DNM3: variants seen among roughly 807,000 people sequenced by gnomAD.
The protein encoded by DNM3 is dynamin-3.
A neutral mutation model predicts 101.6 loss-of-function variants in DNM3; 47 were observed. That is an observed-to-expected ratio of 0.46 (90% CI 0.37 to 0.59). DNM3 has a LOEUF of 0.59. Among genes scored for constraint, DNM3 ranks in the 20% least tolerant of loss-of-function variants. DNM3 has a pLI of 0.00. For synonymous variants in DNM3, 385 were observed against 387.9 expected, an observed-to-expected ratio of 0.99 and a Z score of 0.09; for missense variants, 849 against 1,085.7, an observed-to-expected ratio of 0.78 and a Z score of 3.06.
intron 15 of DNM3, among the ~76,000 whole-genome samples, chr1:172,280,350 T>C (rs781712351): frequency 6.6e-6 from 1 of 152,202 alleles, no homozygotes; most frequent in Non-Finnish European, 1.5e-5. Context: ...TCCATTTTAG[T>C]ATAAGTTCAG....
chr1:171,945,501 C>G (rs1267002026), intron 2 of DNM3, among the ~76,000 whole-genome samples: 2 of 152,052 alleles, frequency 1.3e-5, no homozygotes, highest in Non-Finnish European at 2.9e-5. Context: ...TCTTGTTTAG[C>G]AAGTAATTAT....
In DNM3 at chr1:172,311,553, C is replaced by T. The variant is rs191327342; in HGVS notation, c.1881+2714C>T. 3.0e-4 allele frequency among the ~76,000 whole-genome samples: 46 copies of T among 152,182 alleles called. 2 individuals are homozygous for T. In the East Asian group the frequency reaches 7.5e-3, roughly 25 times the overall value. ...GGGAGGCCCAGGCTACAGTGTTCGT[C>T]CCACCGCACTCCAGCCTGTGTGAAA... On this transcript the variant is annotated intron_variant, in intron 16 of 20. Coordinates refer to ENST00000627582, the MANE Select transcript of DNM3 (RefSeq NM_015569.5).
chr1:172,368,892 T>C (rs901841528), intron 17 of DNM3, among the ~76,000 whole-genome samples: 49 of 151,858 alleles, frequency 3.2e-4, no homozygotes, highest in African/African-American at 1.2e-3. Context: ...AAGAAATGGA[T>C]ACATTCCTGG....
chr1:172,340,894 G>A (rs142291301), intron 17 of DNM3, among the ~76,000 whole-genome samples: 1 of 152,190 alleles, frequency 6.6e-6, no homozygotes, highest in South Asian at 2.1e-4. Flanking sequence ...TTTCAGGGAA[G>A]TGCTTCCAGC....
At chr1:171,884,101 C>T (rs1321428538) in intron 1 of DNM3, among the ~76,000 whole-genome samples, 1 of 152,072 alleles carries the variant, frequency 6.6e-6, no homozygotes, top group Non-Finnish European at 1.5e-5. Flanking sequence ...TGGTTCCAGC[C>T]CTGACGAAAC....
At chr1:172,176,539 C>G (rs1032819638) in intron 14 of DNM3, among the ~76,000 whole-genome samples, 9 of 151,780 alleles carry the variant, frequency 5.9e-5, no homozygotes, top group Admixed American at 5.3e-4. Flanking sequence ...TGGATGTTTC[C>G]CTGGTCAGAT....
intron 14 of DNM3, among the ~76,000 whole-genome samples, chr1:172,141,353 CCTT>C (rs1211709799): frequency 6.6e-6 from 1 of 151,976 alleles, no homozygotes; most frequent in Non-Finnish European, 1.5e-5. Context: ...TAAAGCCTGA[CCTT>C]CTAGTTATTT....
intron 1 of DNM3, among the ~76,000 whole-genome samples, chr1:171,863,765 C>T (rs1421531019): frequency 3.3e-5 from 5 of 152,184 alleles, no homozygotes; most frequent in African/African-American, 1.2e-4. Flanking sequence ...TTCCCCTCTA[C>T]CTGGAAGGCT....
At chr1:172,225,600 C>CT (rs2061087028) in intron 14 of DNM3, among the ~76,000 whole-genome samples, 1 of 151,620 alleles carries the variant, frequency 6.6e-6, no homozygotes, top group African/African-American at 2.4e-5. Flanking sequence ...AACTCTATCT[C>CT]TTAAGATACT....
chr1:172,275,251 T>G (rs2063237058), intron 15 of DNM3, among the ~76,000 whole-genome samples: 1 of 152,006 alleles, frequency 6.6e-6, no homozygotes, highest in East Asian at 1.9e-4. Context: ...AAATTTCCAT[T>G]AACTATACCT....
intron 13 of DNM3, among the ~76,000 whole-genome samples, chr1:172,102,567 GA>G (rs2054725621): frequency 6.6e-6 from 1 of 152,112 alleles, no homozygotes; most frequent in Non-Finnish European, 1.5e-5. Flanking sequence ...AACCAGTGAA[GA>G]GATTATCTTA....
At chr1:172,403,021 G>A (rs764831482) in intron 20 of DNM3, among the ~76,000 whole-genome samples, 1 of 152,118 alleles carries the variant, frequency 6.6e-6, no homozygotes, top group Non-Finnish European at 1.5e-5. Context: ...ATGTTGGGTG[G>A]CACCCAGCAA....
rs1194054616 is a variant in DNM3, at chr1:172,410,268, T to A, written c.*2427T>A. On this transcript the variant is annotated 3_prime_UTR_variant, in exon 21 of 21. Coordinates refer to ENST00000627582, the MANE Select transcript of DNM3 (RefSeq NM_015569.5). ...TTGAATGAAGTCTGAAACTCTAGTA[T>A]GTGCATAGTTTGACGTGCAGCATGC... is the stretch of plus-strand genomic sequence containing the variant. 1 of 985,296 alleles carries A rather than the reference T, an allele frequency of 1.0e-6. No individual in the cohort carries two copies. Among genetic ancestry groups the A allele is most frequent in the Non-Finnish European group, 1.2e-6 (1 of 829,898 alleles). 61.0% of individuals were successfully genotyped at this position (985,296 alleles called of 1,614,324 possible).
At chr1:172,260,543 G>A (rs893961630) in intron 15 of DNM3, among the ~76,000 whole-genome samples, 17 of 151,306 alleles carry the variant, frequency 1.1e-4, no homozygotes, top group African/African-American at 1.7e-4. Flanking sequence ...TGTGTGACTG[G>A]GTTATTTCAA....
intron 1 of DNM3, among the ~76,000 whole-genome samples, chr1:171,842,816 T>C (rs10913823): frequency 0.25 from 38,220 of 152,186 alleles, 5,459 homozygotes; most frequent in Non-Finnish European, 0.31. Context: ...GAGCAATTCA[T>C]GAGGGATTAA....
intron 15 of DNM3, among the ~76,000 whole-genome samples, chr1:172,295,336 C>T (rs1379734241): frequency 4.6e-5 from 7 of 152,162 alleles, no homozygotes. Flanking sequence ...TCAAGATAAA[C>T]ATGTAGAGTT....
At chr1:172,139,214 T>G (rs934917878) in intron 14 of DNM3, 2 of 269,670 alleles carry the variant, frequency 7.4e-6, no homozygotes, top group Non-Finnish European at 1.5e-5. Context: ...CTGGCCCACA[T>G]GTAGTCAGAG....
chr1:172,059,303 C>A (rs2050944613), intron 10 of DNM3, among the ~76,000 whole-genome samples: 1 of 125,566 alleles, frequency 8.0e-6, no homozygotes, highest in African/African-American at 3.1e-5. Context: ...TGAAACTATT[C>A]CAATCAATAG....
intron 2 of DNM3, among the ~76,000 whole-genome samples, chr1:171,965,544 C>T (rs2043520284): frequency 6.7e-6 from 1 of 149,722 alleles, no homozygotes; most frequent in African/African-American, 2.5e-5. Context: ...GAGCTAGACC[C>T]TGTCTCAAAA....
Sources: allele counts gnomAD v4.1 joint callset (sites outside exome capture counted in the v4.1 genomes callset), GRCh38; gene constraint gnomAD v4.1.1; transcripts MANE v1.5; gene names NCBI Gene and HGNC (gene_info 2026-07-23, HGNC 2026-07-21).